Variants in CLDN14 observed in about 807,000 individuals in gnomAD.
CLDN14 encodes the protein claudin-14.
In CLDN14, 2 loss-of-function variants were observed where a neutral mutation model predicts 2.1. The observed-to-expected ratio is 0.96, with a 90% CI of 0.39 to 3.01. CLDN14 has a LOEUF of 3.01. Among genes scored for constraint, CLDN14 ranks in the 30% most tolerant of loss-of-function variants. CLDN14 has a pLI of 0.09. For missense variants in CLDN14, 298 were observed against 328.0 expected, an observed-to-expected ratio of 0.91 and a Z score of 0.71; for synonymous variants, 136 against 154.4, an observed-to-expected ratio of 0.88 and a Z score of 0.88.
chr21:36,490,964 A>T (rs1313593760), intron 2 of CLDN14, among the ~76,000 whole-genome samples: 1 of 141,678 alleles, frequency 7.1e-6, no homozygotes, highest in Admixed American at 6.9e-5. Context: ...ACACACACAC[A>T]CACACACACA....
intron 1 of CLDN14, among the ~76,000 whole-genome samples, chr21:36,523,840 A>AAAGAAAGAAAGAAAGAAAGT (rs1568869011): frequency 3.4e-5 from 5 of 145,742 alleles, no homozygotes; most frequent in African/African-American, 1.3e-4. Context: ...AGAAAGAAAG[A>AAAGAAAGAAAGAAAGAAAGT]AAGTGGATTC....
At chr21:36,559,359 G>A (rs965380607) in intron 1 of CLDN14, among the ~76,000 whole-genome samples, 6 of 152,150 alleles carry the variant, frequency 3.9e-5, no homozygotes, top group African/African-American at 1.4e-4. Flanking sequence ...ACCACGCCCA[G>A]CTAATTTTTG....
intron 2 of CLDN14, among the ~76,000 whole-genome samples, chr21:36,489,162 A>ATG: frequency 7.3e-6 from 1 of 137,410 alleles, no homozygotes; most frequent in Non-Finnish European, 1.6e-5. Context: ...ATATATGGAG[A>ATG]GAGAGAGAGA....
chr21:36,545,972 C>A (rs1419077323), intron 1 of CLDN14, among the ~76,000 whole-genome samples: 1 of 152,168 alleles, frequency 6.6e-6, no homozygotes, highest in Non-Finnish European at 1.5e-5. Context: ...GAGCGAGAAC[C>A]AGTGTGGTGG....
At chr21:36,532,133 A>G (rs1232519968) in intron 1 of CLDN14, 1 of 152,128 alleles carries the variant, frequency 6.6e-6, no homozygotes, top group African/African-American at 2.4e-5. Flanking sequence ...CTGACAAACA[A>G]CACCCGAGTG....
chr21:36,488,552 G>A (rs1054913727), intron 2 of CLDN14, among the ~76,000 whole-genome samples: 2 of 151,240 alleles, frequency 1.3e-5, no homozygotes, highest in Non-Finnish European at 2.9e-5. Context: ...TTACAGGTGT[G>A]AGCCACCGCG....
At chr21:36,556,077 A>T (rs1344274745) in intron 1 of CLDN14, among the ~76,000 whole-genome samples, 1 of 152,070 alleles carries the variant, frequency 6.6e-6, no homozygotes, top group African/African-American at 2.4e-5. Context: ...GTGGTCGGTG[A>T]CTAATTTCAG....
intron 1 of CLDN14, among the ~76,000 whole-genome samples, chr21:36,539,523 G>C (rs1297619103): frequency 6.7e-6 from 1 of 149,490 alleles, no homozygotes; most frequent in Non-Finnish European, 1.5e-5. Flanking sequence ...AGTGTATGCA[G>C]AGTGAGTGTA....
chr21:36,484,526 G>A (rs1363592014), upstream of CLDN14, among the ~76,000 whole-genome samples: 1 of 152,120 alleles, frequency 6.6e-6, no homozygotes, highest in African/African-American at 2.4e-5. Context: ...CTGGGTAGAT[G>A]CCTTCCTGGC....
chr21:36,525,838 C>T (rs911404787), intron 1 of CLDN14, among the ~76,000 whole-genome samples: 4 of 152,088 alleles, frequency 2.6e-5, no homozygotes, highest in Admixed American at 6.6e-5. Context: ...TGCTGCCAAC[C>T]GGTTACATGG....
At chr21:36,531,632 G>C (rs2087380793) in intron 1 of CLDN14, among the ~76,000 whole-genome samples, 2 of 151,442 alleles carry the variant, frequency 1.3e-5, no homozygotes, top group South Asian at 4.2e-4. Flanking sequence ...TGGGACAGGA[G>C]GGAATGTCCC....
chr21:36,570,799 TAAG>T (rs199636789), intron 1 of CLDN14, among the ~76,000 whole-genome samples: 6,266 of 152,284 alleles, frequency 0.041, 165 homozygotes, highest in Middle Eastern at 0.068. Flanking sequence ...GAGGATGCTG[TAAG>T]AAGAATATTT....
chr21:36,461,646 C>A lies in CLDN14; in HGVS notation c.50G>T (p.Gly17Val). 1 of 1,574,196 alleles carries A rather than the reference C, an allele frequency of 6.4e-7. No individual in the cohort carries two copies. The highest frequency in any genetic ancestry group is 8.6e-7 in the Non-Finnish European group (1 of 1,160,492). ...GGTGGTGATCAACGTGCCCACCATG[C>A]CCAGGAAGCTGAGCAGGAAGCCCAG... The part of the protein sequence containing the change: ...QLLGFLLSFL[G>V]MVGTLITTIL... The change falls in exon 2 of 2, where the codon GGC (glycine) becomes GTC (valine). Residue 17 changes from glycine (G) to valine (V), a missense_variant. By Grantham distance (109) the Gly-to-Val change is moderately radical (BLOSUM62 -3). Coordinates refer to ENST00000399135, the MANE Select transcript of CLDN14 (RefSeq NM_001146079.2).
intron 1 of CLDN14, among the ~76,000 whole-genome samples, chr21:36,515,499 C>T (rs2087220303): frequency 6.6e-6 from 1 of 151,694 alleles, no homozygotes; most frequent in Non-Finnish European, 1.5e-5. Context: ...CTGGTGAAAC[C>T]CTGTCTCTAC....
intron 1 of CLDN14, among the ~76,000 whole-genome samples, chr21:36,469,641 C>G (rs1308074072): frequency 6.6e-6 from 1 of 152,116 alleles, no homozygotes; most frequent in East Asian, 1.9e-4. Context: ...TATGTGAATA[C>G]AAATGAAAAC....
chr21:36,469,421 CA>C (rs368530113), intron 1 of CLDN14, among the ~76,000 whole-genome samples: 5 of 152,176 alleles, frequency 3.3e-5, no homozygotes, highest in African/African-American at 9.6e-5. Flanking sequence ...GCACTCTTTC[CA>C]TGAGAGGCAG....
intron 2 of CLDN14, among the ~76,000 whole-genome samples, chr21:36,491,364 G>A (rs1271444630): frequency 6.6e-6 from 1 of 152,158 alleles, no homozygotes; most frequent in African/African-American, 2.4e-5. Flanking sequence ...GGGGTTACCA[G>A]AAAACAAGAA....
At chr21:36,543,093 C>T (rs1414499154) in intron 1 of CLDN14, among the ~76,000 whole-genome samples, 1 of 152,176 alleles carries the variant, frequency 6.6e-6, no homozygotes, top group African/African-American at 2.4e-5. Context: ...TTCAACAACC[C>T]GCCTCCCACC....
At chr21:36,464,312 A>T (rs1446348564) in intron 1 of CLDN14, among the ~76,000 whole-genome samples, 2 of 152,086 alleles carry the variant, frequency 1.3e-5, no homozygotes, top group Non-Finnish European at 2.9e-5. Flanking sequence ...TTTCTTTATA[A>T]ATTAACCAGT....
Sources: allele counts gnomAD v4.1 joint callset (sites outside exome capture counted in the v4.1 genomes callset), GRCh38; gene constraint gnomAD v4.1.1; transcripts MANE v1.5; gene names NCBI Gene and HGNC (gene_info 2026-07-23, HGNC 2026-07-21).